The following VAV2 variants were observed in gnomAD, a reference collection of about 807,000 sequenced individuals.
VAV2 encodes the protein guanine nucleotide exchange factor VAV2.
Under a neutral mutation model 132.5 loss-of-function variants are expected in VAV2, and 67 were observed. That is an observed-to-expected ratio of 0.51 (90% CI 0.42 to 0.62). The LOEUF (loss-of-function observed/expected upper bound fraction) is 0.62, where lower values mean the gene tolerates loss of function less well. Among genes scored for constraint, VAV2 ranks in the 20% least tolerant of loss-of-function variants. The pLI is 0.00. For synonymous variants in VAV2, 492 were observed against 443.5 expected (o/e 1.11, Z -1.37); for missense variants, 938 against 1,153.6 (o/e 0.81, Z 2.71).
intron 2 of VAV2, among the ~76,000 whole-genome samples, chr9:133,915,402 C>T (rs370870437): frequency 6.6e-6 from 1 of 152,240 alleles, no homozygotes; most frequent in East Asian, 1.9e-4. Flanking sequence ...CACCTGCCAA[C>T]GGCCAGCTGA....
At position 133,833,692 on chromosome 9, in the gene VAV2, T is replaced by C. The variant is rs892770890; in HGVS notation, c.449+580A>G. ...GATTCCCACGGTCCCGATGGGGCCCTGGTGCTGTGGCCAGGCTTGGGCAGC... is the reference window on the plus strand; with the variant it reads ...GATTCCCACGGTCCCGATGGGGCCCCGGTGCTGTGGCCAGGCTTGGGCAGC... On this transcript the variant is annotated intron_variant, in intron 4 of 29. Transcript: ENST00000371850. This position sits in a 1 kb window ranked among gnomAD's most constrained non-coding sequence, Gnocchi z 5.6. 6.6e-6 allele frequency among the ~76,000 whole-genome samples: 1 copy of C among 152,034 alleles called. No individual in the cohort carries two copies. The highest frequency in any genetic ancestry group is 6.5e-5 in the Admixed American group (1 of 15,278).
Position 133,818,052 on chromosome 9 carries a change from G to T in VAV2, c.450-5836C>A, listed in dbSNP as rs188985819. Among the ~76,000 whole-genome samples the T allele has an allele frequency of 2.0e-5, 3 of 152,190 alleles. No individual in the cohort carries two copies. The East Asian group carries it at 5.8e-4, about 29-fold the overall frequency. On this transcript the variant is annotated intron_variant, in intron 4 of 29. Transcript: ENST00000371850. ...GGACAGGTGTCATCCAATCCATTGA[G>T]GGCCCACGTAGAACAAAAAAGGCAG...
rs2131562233 is a variant in VAV2, at chr9:133,768,467, C to T, written c.2564G>A (p.Trp855Ter). The change falls in exon 29 of 30, where the codon TGG becomes TAG. Residue 855 changes from tryptophan to a stop codon, truncating the protein, a stop_gained. Coordinates refer to ENST00000371850, the MANE Select transcript of VAV2 (RefSeq NM_001134398.2). LOFTEE classifies it high-confidence loss of function. This position sits in a 1 kb window ranked among gnomAD's most constrained non-coding sequence, Gnocchi z 5.3. ...IYSRIGGDQG[W>*]WKGETNGRIG... is the part of the protein sequence containing the mutation. ...CCGTCCGTTGGTCTCGCCCTTCCAC[C>T]AGCCCTGGTCTCCGCCGATGCGGCT... The T allele has an allele frequency of 1.2e-6, 2 of 1,613,760 alleles. No individual in the cohort carries two copies. Among genetic ancestry groups the T allele is most frequent in the East Asian group, 4.5e-5 (2 of 44,866 alleles).
intron 3 of VAV2, among the ~76,000 whole-genome samples, chr9:133,854,546 C>G (rs975705527): frequency 6.6e-6 from 1 of 152,222 alleles, no homozygotes. Flanking sequence ...GCAACAGAGG[C>G]CTGGGGTGTG....
intron 27 of VAV2, among the ~76,000 whole-genome samples, chr9:133,770,090 G>A (rs1183953234): frequency 6.6e-6 from 1 of 152,240 alleles, no homozygotes; most frequent in Non-Finnish European, 1.5e-5. Flanking sequence ...AGCTCCATGC[G>A]CAGGGGTCTC....
chr9:133,791,670 G>A, intron 13 of VAV2, 113 bp downstream of exon 13: 1 of 918,502 alleles, frequency 1.1e-6, no homozygotes. Context: ...CCTCTCAACA[G>A]GCAGCCATGG....
Position 133,919,771 on chromosome 9 carries a change from T to A in VAV2, c.321+19332A>T, listed in dbSNP as rs1300168447. 6.6e-6 allele frequency among the ~76,000 whole-genome samples: 1 copy of A among 152,120 alleles called. No homozygotes were observed. Among genetic ancestry groups the A allele is most frequent in the East Asian group, 1.9e-4 (1 of 5,174 alleles). On this transcript the variant is annotated intron_variant, in intron 2 of 29. Transcript: ENST00000371850. The surrounding 1 kb of genome is among the most constrained non-coding windows in gnomAD (Gnocchi z 5.8). ...CAACACAAACAGCGCATTCTTGGCA[T>A]CCGTGAGGCAGAGACATGGAAGATG... is the stretch of plus-strand genomic sequence containing the variant.
At position 133,770,517 on chromosome 9, in the gene VAV2, A is replaced by G. The variant is rs1440411966; in HGVS notation, c.2224-16T>C. The G allele has an allele frequency of 6.2e-7, 1 of 1,611,822 alleles. No individual in the cohort carries two copies. Among genetic ancestry groups the G allele is most frequent in the Non-Finnish European group, 8.5e-7 (1 of 1,178,450 alleles). Reference sequence around the variant, plus strand: ...CCACCAACTCCTGCAGGGCGTACACACTCACTGACAGCTGCTGCCACCTCC... The same window carrying G: ...CCACCAACTCCTGCAGGGCGTACACGCTCACTGACAGCTGCTGCCACCTCC... On this transcript the variant is annotated splice_polypyrimidine_tract_variant and intron_variant, in intron 26 of 29. Coordinates refer to ENST00000371850, the MANE Select transcript of VAV2 (RefSeq NM_001134398.2).
intron 7 of VAV2, among the ~76,000 whole-genome samples, chr9:133,808,088 C>G (rs1327980953): frequency 6.6e-6 from 1 of 152,256 alleles, no homozygotes; most frequent in Non-Finnish European, 1.5e-5. Context: ...CAGGAGCCCT[C>G]CTGCTTTCTG....
Position 133,770,410 on chromosome 9 carries a change from C to T in VAV2, c.2315G>A (p.Arg772His), listed in dbSNP as rs780374809. 26 of 1,613,990 alleles carry T rather than the reference C, an allele frequency of 1.6e-5. No homozygotes were observed. Among genetic ancestry groups the T allele is most frequent in the Admixed American group, 3.3e-5 (2 of 60,006 alleles). ...TLKYPYKSRE[R>H]SASRASSRSP... ...CCGGCTGGAGGCCCTGGAGGCCGAA[C>T]GTTCCCGGGACTTGTAGGGGTACTT... is the stretch of plus-strand genomic sequence containing the variant. The change falls in exon 27 of 30, where the codon CGT (arginine) becomes CAT (histidine). Residue 772 changes from arginine to histidine, a missense_variant. Arg to His is a conservative substitution (Grantham distance 29). Transcript: ENST00000371850.
intron 2 of VAV2, among the ~76,000 whole-genome samples, chr9:133,874,931 G>A (rs530130512): frequency 1.5e-4 from 23 of 152,284 alleles, no homozygotes; most frequent in African/African-American, 4.6e-4. Context: ...GGAAACATGC[G>A]TCCAGAACCC....
At chr9:133,979,371 G>A (rs577208165) in intron 1 of VAV2, among the ~76,000 whole-genome samples, 17 of 152,278 alleles carry the variant, frequency 1.1e-4, no homozygotes, top group African/African-American at 3.8e-4. Context: ...CTGTGTGTGC[G>A]GTCTCCACCC....
At chr9:133,774,764 T>C (rs1833754019) in intron 25 of VAV2, among the ~76,000 whole-genome samples, 171 bp downstream of exon 25, 2 of 152,124 alleles carry the variant, frequency 1.3e-5, no homozygotes, top group African/African-American at 4.8e-5. Context: ...AGCACACCTG[T>C]AGAGACCCCC....
chr9:133,864,353 G>A (rs1290136354), intron 2 of VAV2, among the ~76,000 whole-genome samples: 3 of 152,236 alleles, frequency 2.0e-5, no homozygotes, highest in Non-Finnish European at 1.5e-5. Flanking sequence ...AAAGCTTCAG[G>A]CCTCTGTGCC....
At chr9:133,842,354 T>A (rs878931468) in intron 3 of VAV2, among the ~76,000 whole-genome samples, 3 of 152,178 alleles carry the variant, frequency 2.0e-5, no homozygotes, top group Admixed American at 2.0e-4. Flanking sequence ...CTGGTGCTCC[T>A]CGCCCAGCCG....
intron 29 of VAV2, among the ~76,000 whole-genome samples, chr9:133,765,896 T>G (rs981962381): frequency 1.3e-5 from 2 of 152,178 alleles, no homozygotes; most frequent in South Asian, 4.1e-4. Context: ...GGCAGGTTAC[T>G]GACACTTTTA....
rs1453581349 is a variant in VAV2, at chr9:133,863,925, T to A, written c.322-2493A>T. Reference sequence around the variant, plus strand: ...CTGAAAGGTTAGGAGCAGAAGTACCTCCCTGCAGGAGGAGGGATGCCCTAC... The same window carrying A: ...CTGAAAGGTTAGGAGCAGAAGTACCACCCTGCAGGAGGAGGGATGCCCTAC... On this transcript the variant is annotated intron_variant, in intron 2 of 29. Coordinates refer to ENST00000371850, the MANE Select transcript of VAV2 (RefSeq NM_001134398.2). The surrounding 1 kb of genome is among the most constrained non-coding windows in gnomAD (Gnocchi z 5.0). Among the ~76,000 whole-genome samples, 3 of 151,948 alleles carry A rather than the reference T, an allele frequency of 2.0e-5. No homozygotes were observed. The East Asian group carries it at 5.8e-4, about 29-fold the overall frequency.
At chr9:133,868,616 C>A (rs1024927537) in intron 2 of VAV2, among the ~76,000 whole-genome samples, 1 of 152,226 alleles carries the variant, frequency 6.6e-6, no homozygotes, top group Non-Finnish European at 1.5e-5. Flanking sequence ...AATGAAGAAA[C>A]AAAAACAGAG....
intron 3 of VAV2, among the ~76,000 whole-genome samples, chr9:133,849,197 G>A (rs918079289): frequency 2.0e-5 from 3 of 152,128 alleles, no homozygotes; most frequent in African/African-American, 2.4e-5. Context: ...CATTCCTCCC[G>A]CCCCGAACGC....
Sources: allele counts gnomAD v4.1 joint callset (sites outside exome capture counted in the v4.1 genomes callset), GRCh38; gene constraint gnomAD v4.1.1; non-coding constraint Gnocchi (gnomAD v3.1); transcripts MANE v1.5; gene names NCBI Gene and HGNC (gene_info 2026-07-23, HGNC 2026-07-21).